SRRM4: variants seen among roughly 807,000 people sequenced by gnomAD.
SRRM4 encodes serine/arginine repetitive matrix 4, also known as serine/arginine repetitive matrix protein 4.
Under a neutral mutation model 68.9 loss-of-function variants are expected in SRRM4, and 33 were observed. The observed-to-expected ratio is 0.48, with a 90% CI of 0.36 to 0.64. The LOEUF (loss-of-function observed/expected upper bound fraction) is 0.64, where lower values mean the gene tolerates loss of function less well. SRRM4 is among the 30% of genes least tolerant of loss of function. The pLI is 0.00. For missense variants in SRRM4, 817 were observed against 827.1 expected (o/e 0.99, Z 0.15); for synonymous variants, 318 against 318.8 (o/e 1.00, Z 0.03).
At chr12:119,024,024 C>A (rs1430006465) in intron 1 of SRRM4, among the ~76,000 whole-genome samples, 1 of 152,184 alleles carries the variant, frequency 6.6e-6, no homozygotes, top group African/African-American at 2.4e-5. Context: ...TGCATGTTAC[C>A]TATCACATTT....
chr12:119,032,625 T>C (rs1450106442), intron 1 of SRRM4, among the ~76,000 whole-genome samples: 2 of 152,226 alleles, frequency 1.3e-5, no homozygotes, highest in South Asian at 2.1e-4. Flanking sequence ...GATTGATTTC[T>C]TATTTATCAA....
At chr12:119,117,135 C>T (rs1221927134) in intron 4 of SRRM4, 127 bp downstream of exon 4, 4 of 802,684 alleles carry the variant, frequency 5.0e-6, no homozygotes, top group East Asian at 2.8e-5. Context: ...TGTCTTTTTA[C>T]GTATTTGTGT....
intron 1 of SRRM4, among the ~76,000 whole-genome samples, chr12:119,064,722 A>G (rs923837561): frequency 4.6e-5 from 7 of 152,232 alleles, no homozygotes; most frequent in African/African-American, 1.7e-4. Context: ...GTACTTTGGA[A>G]TGCAGAAAGT....
In SRRM4 at chr12:119,156,828, C is replaced by G. The variant is rs990845029; in HGVS notation, c.*30C>G. 6.2e-5 allele frequency: 92 copies of G among 1,489,162 alleles called. No individual in the cohort carries two copies. Among genetic ancestry groups the G allele is most frequent in the Non-Finnish European group, 7.7e-5 (86 of 1,122,394 alleles). The allele number at this position is 1,489,162 out of a possible 1,614,324, so 92.2% of individuals were successfully genotyped here. ...CCCTGAGCCAGCTGCCCGTGGGGGC[C>G]CCTTCGCGCTGCCAGCCTCCCCCAA... is the stretch of plus-strand genomic sequence containing the variant. On this transcript the variant is annotated 3_prime_UTR_variant, in exon 13 of 13. Coordinates refer to ENST00000267260, the MANE Select transcript of SRRM4 (RefSeq NM_194286.4).
chr12:119,021,703 T>G (rs1323631297), intron 1 of SRRM4, among the ~76,000 whole-genome samples: 1 of 152,164 alleles, frequency 6.6e-6, no homozygotes, highest in East Asian at 1.9e-4. Context: ...AAGAGAAGAA[T>G]GCTTGCTGAG....
chr12:118,985,583 C>T (rs1199378703), intron 1 of SRRM4, among the ~76,000 whole-genome samples: 1 of 152,170 alleles, frequency 6.6e-6, no homozygotes, highest in African/African-American at 2.4e-5. Context: ...CCTTGTCAAA[C>T]TTTATCTACC....
At chr12:118,983,850 C>T (rs1953265237) in intron 1 of SRRM4, among the ~76,000 whole-genome samples, 1 of 152,152 alleles carries the variant, frequency 6.6e-6, no homozygotes, top group Non-Finnish European at 1.5e-5. Flanking sequence ...ATCCTTTCTG[C>T]AGCTTTTTGC....
chr12:119,118,906 A>G (rs1277587364), intron 4 of SRRM4, among the ~76,000 whole-genome samples: 4 of 152,034 alleles, frequency 2.6e-5, no homozygotes, highest in Non-Finnish European at 5.9e-5. Flanking sequence ...TTAGGAGGGG[A>G]AATTCTGTTG....
At position 119,158,725 on chromosome 12, in the gene SRRM4, CT is replaced by C. The variant is rs1378695930; in HGVS notation, c.*1928del. ...CCAGGAACCCAGACTGGACTTCAGT[CT>C]CCCTCCATGGAGACAAAGGCTTCCC... On this transcript the variant is annotated 3_prime_UTR_variant, in exon 13 of 13. Transcript: ENST00000267260. The C allele has an allele frequency of 6.6e-6, 1 of 152,654 alleles. No homozygotes were observed. Among genetic ancestry groups the C allele is most frequent in the East Asian group, 1.9e-4 (1 of 5,172 alleles). The allele number at this position is 152,654 out of a possible 1,614,324, so 9.5% of individuals were successfully genotyped here.
intron 1 of SRRM4, among the ~76,000 whole-genome samples, chr12:119,078,141 C>T (rs1565903522): frequency 6.6e-6 from 1 of 152,162 alleles, no homozygotes; most frequent in African/African-American, 2.4e-5. Flanking sequence ...CACGTGTCTA[C>T]TGGATATCAT....
intron 8 of SRRM4, among the ~76,000 whole-genome samples, chr12:119,131,540 G>A (rs1954298405): frequency 6.6e-6 from 1 of 152,160 alleles, no homozygotes; most frequent in Non-Finnish European, 1.5e-5. Flanking sequence ...AAGCAGTGCT[G>A]CCCCAAGTCA....
At chr12:119,114,391 C>G in intron 3 of SRRM4, 27 bp downstream of exon 3, 1 of 1,572,362 alleles carries the variant, frequency 6.4e-7, no homozygotes, top group Non-Finnish European at 8.7e-7. Context: ...GGAGATAAAA[C>G]CTGTAAGATG....
intron 1 of SRRM4, among the ~76,000 whole-genome samples, chr12:119,005,100 C>T (rs1039083324): frequency 6.6e-6 from 1 of 152,202 alleles, no homozygotes; most frequent in African/African-American, 2.4e-5. Flanking sequence ...ACTGTAGGCC[C>T]CTAAACTCTG....
chr12:119,037,435 T>C (rs1387183456), intron 1 of SRRM4, among the ~76,000 whole-genome samples: 2 of 151,954 alleles, frequency 1.3e-5, no homozygotes, highest in Non-Finnish European at 1.5e-5. Context: ...AGAATGAGGA[T>C]TGGATTTCTG....
intron 1 of SRRM4, chr12:119,031,111 A>G (rs1273282991): frequency 6.6e-6 from 1 of 152,170 alleles, no homozygotes; most frequent in African/African-American, 2.4e-5. Flanking sequence ...CTCTGCTTCA[A>G]GGTTTCTCTT....
rs1468192339 is a variant in SRRM4 at position 119,154,703 on chromosome 12, C to T, written c.1532+320C>T. ...TGGAGCTGGGGCCGGGGAGGCGGAG[C>T]TGGGGGAGAGAGTGGCGTCAGGCCA... On this transcript the variant is annotated intron_variant, in intron 12 of 12. Transcript: ENST00000267260. This position sits in a 1 kb window ranked among gnomAD's most constrained non-coding sequence, Gnocchi z 4.7. 1.3e-5 allele frequency among the ~76,000 whole-genome samples: 2 copies of T among 152,082 alleles called. No individual in the cohort carries two copies. Among genetic ancestry groups the T allele is most frequent in the African/African-American group, 2.4e-5 (1 of 41,400 alleles).
intron 1 of SRRM4, among the ~76,000 whole-genome samples, chr12:119,027,806 C>T (rs535389733): frequency 2.6e-5 from 4 of 152,282 alleles, no homozygotes; most frequent in East Asian, 1.9e-4. Flanking sequence ...TGAACCCTCC[C>T]GAGACCACAA....
chr12:119,012,316 G>A (rs1398679133), intron 1 of SRRM4, among the ~76,000 whole-genome samples: 1 of 152,162 alleles, frequency 6.6e-6, no homozygotes, highest in South Asian at 2.1e-4. Context: ...TCATGACCTG[G>A]CATCTGAACT....
In SRRM4 at chr12:119,154,328, A is replaced by C. The variant is rs957184055; in HGVS notation, c.1477A>C (p.Met493Leu). The stretch of plus-strand genomic sequence containing the variant: ...TCGGAGACGTCGGTCCTACTCGCCT[A>C]TGAGAAAGCGCCGGAGAGACTCCCC... ...ARRRRRSYSPMRKRRRDSPSH... is the reference protein window; with the variant it reads ...ARRRRRSYSPLRKRRRDSPSH... The change falls in exon 12 of 13, where the codon ATG becomes CTG. Residue 493 changes from methionine (M) to leucine (L), a missense_variant. By Grantham distance (15) the Met-to-Leu change is conservative. Transcript: ENST00000267260. This position sits in a 1 kb window ranked among gnomAD's most constrained non-coding sequence, Gnocchi z 4.7. 1 of 1,613,128 alleles carries C rather than the reference A, an allele frequency of 6.2e-7. No individual in the cohort carries two copies. Among genetic ancestry groups the C allele is most frequent in the Non-Finnish European group, 8.5e-7 (1 of 1,179,760 alleles).
Sources: allele counts gnomAD v4.1 joint callset (sites outside exome capture counted in the v4.1 genomes callset), GRCh38; gene constraint gnomAD v4.1.1; non-coding constraint Gnocchi (gnomAD v3.1); transcripts MANE v1.5; gene names NCBI Gene and HGNC (gene_info 2026-07-23, HGNC 2026-07-21).